Variants in PCDH15 observed in about 807,000 individuals in gnomAD.
PCDH15 encodes the protein protocadherin related 15.
Under a neutral mutation model 178.5 loss-of-function variants are expected in PCDH15, and 129 were observed. That is an observed-to-expected ratio of 0.72 (90% confidence interval 0.63 to 0.84). PCDH15 has a LOEUF of 0.84. PCDH15 is among the 40% of genes least tolerant of loss of function. PCDH15 has a pLI of 0.00. For synonymous variants in PCDH15, 800 were observed against 732.0 expected (o/e 1.09, Z -1.50); for missense variants, 2,230 against 2,099.9 (o/e 1.06, Z -1.21).
chr10:55,360,022 T>C (rs887211886), intron 2 of PCDH15, among the ~76,000 whole-genome samples: 1 of 151,772 alleles, frequency 6.6e-6, no homozygotes, highest in Non-Finnish European at 1.5e-5. Context: ...GGTTAAAGGT[T>C]ACAAAAATTT....
chr10:55,390,978 C>T (rs1037247736), intron 2 of PCDH15, among the ~76,000 whole-genome samples: 2 of 152,180 alleles, frequency 1.3e-5, no homozygotes, highest in African/African-American at 4.8e-5. Context: ...GCATTGGTTT[C>T]AACTTAGTTA....
At chr10:55,243,803 T>C (rs536939476) in intron 1 of PCDH15, among the ~76,000 whole-genome samples, 9 of 152,240 alleles carry the variant, frequency 5.9e-5, no homozygotes, top group Admixed American at 1.3e-4. Flanking sequence ...TCACTGAACA[T>C]TGGGCATGAA....
intron 2 of PCDH15, among the ~76,000 whole-genome samples, chr10:55,408,191 CTTTT>C (rs71014483): frequency 7.0e-6 from 1 of 142,834 alleles, no homozygotes; most frequent in African/African-American, 2.6e-5. Context: ...ATTCTTTTTT[CTTTT>C]TTTTTTTTTG....
intron 1 of PCDH15, among the ~76,000 whole-genome samples, chr10:54,705,112 C>A (rs1485077481): frequency 6.6e-6 from 1 of 152,014 alleles, no homozygotes; most frequent in Non-Finnish European, 1.5e-5. Flanking sequence ...TAAGTAGGAG[C>A]TAAACTTTGA....
In PCDH15 at chr10:54,917,379, A is replaced by C. The variant is rs141872890; in HGVS notation, c.-79-19879T>G. ...AACAAACAGGCAAACATTTCTGCTA[A>C]GAACAGAATAGTGAGGACATCCTGT... On this transcript the variant is annotated intron_variant, in intron 2 of 5. Coordinates refer to the PCDH15 transcript ENST00000458638. 1.2e-3 allele frequency among the ~76,000 whole-genome samples: 180 copies of C among 152,330 alleles called. 2 individuals are homozygous for C. The East Asian group carries it at 0.028, about 24-fold the overall frequency.
At chr10:54,618,055 G>A (rs1456280336) in intron 2 of PCDH15, among the ~76,000 whole-genome samples, 2 of 151,992 alleles carry the variant, frequency 1.3e-5, no homozygotes, top group African/African-American at 4.8e-5. Flanking sequence ...TAGAAGCCTG[G>A]GGAATTCTTC....
At chr10:53,982,398 T>C (rs1211779121) in intron 21 of PCDH15, among the ~76,000 whole-genome samples, 13 of 151,984 alleles carry the variant, frequency 8.6e-5, no homozygotes, top group Admixed American at 8.5e-4. Context: ...CTATTCACAA[T>C]AGCAAAGACT....
chr10:53,899,802 A>G (rs1189808504), intron 26 of PCDH15, among the ~76,000 whole-genome samples: 1 of 152,180 alleles, frequency 6.6e-6, no homozygotes, highest in African/African-American at 2.4e-5. Context: ...TGCTTAACTC[A>G]TGCTCTGATT....
chr10:54,673,097 G>A (rs1016652562), intron 1 of PCDH15, among the ~76,000 whole-genome samples: 1 of 151,856 alleles, frequency 6.6e-6, no homozygotes, highest in Non-Finnish European at 1.5e-5. Flanking sequence ...TTAAATTAAA[G>A]TTCTGGGATA....
At chr10:54,550,643 C>T (rs1324742777) in intron 2 of PCDH15, among the ~76,000 whole-genome samples, 1 of 152,100 alleles carries the variant, frequency 6.6e-6, no homozygotes, top group Non-Finnish European at 1.5e-5. Flanking sequence ...TTGCTTTCTA[C>T]ATCAATTTTC....
intron 2 of PCDH15, among the ~76,000 whole-genome samples, chr10:55,438,470 A>G (rs1839100917): frequency 6.6e-6 from 1 of 152,154 alleles, no homozygotes; most frequent in Admixed American, 6.5e-5. Flanking sequence ...ATTAGTCTGA[A>G]GTATAATGGC....
At chr10:55,444,852 T>C (rs1313560845) in intron 2 of PCDH15, among the ~76,000 whole-genome samples, 1 of 152,158 alleles carries the variant, frequency 6.6e-6, no homozygotes, top group Admixed American at 6.6e-5. Flanking sequence ...ATATATTTGC[T>C]AGCACTGAAA....
intron 1 of PCDH15, among the ~76,000 whole-genome samples, chr10:54,797,761 T>C (rs572277706): frequency 6.6e-6 from 1 of 152,148 alleles, no homozygotes; most frequent in Admixed American, 6.6e-5. Context: ...GATGTTTCTA[T>C]GCTCCTTATA....
chr10:55,605,018 A>G (rs1843181271), intron 2 of PCDH15, among the ~76,000 whole-genome samples: 1 of 152,196 alleles, frequency 6.6e-6, no homozygotes, highest in South Asian at 2.1e-4. Context: ...TAAAGAAAAC[A>G]AGAGAGAAGA....
intron 2 of PCDH15, among the ~76,000 whole-genome samples, chr10:55,380,321 A>G (rs1837503556): frequency 6.6e-6 from 1 of 152,194 alleles, no homozygotes; most frequent in South Asian, 2.1e-4. Flanking sequence ...TGAAGAATTT[A>G]AGAACTCTCT....
chr10:54,926,648 C>T (rs1389302141), intron 2 of PCDH15, among the ~76,000 whole-genome samples: 1 of 151,764 alleles, frequency 6.6e-6, no homozygotes, highest in East Asian at 1.9e-4. Context: ...GTGGTCTGTT[C>T]AGGGATTAAA....
At chr10:55,466,987 G>C (rs894331509) in intron 2 of PCDH15, among the ~76,000 whole-genome samples, 2 of 152,090 alleles carry the variant, frequency 1.3e-5, no homozygotes, top group African/African-American at 2.4e-5. Context: ...AGCCTTTCAG[G>C]CTGCTCTATC....
chr10:54,149,426 C>A (rs2044295731), intron 14 of PCDH15, among the ~76,000 whole-genome samples: 1 of 151,986 alleles, frequency 6.6e-6, no homozygotes, highest in Admixed American at 6.6e-5. Flanking sequence ...ATTGAGAAAT[C>A]TGAGAAAAGA....
chr10:54,151,217 T>C (rs1360981416), intron 14 of PCDH15, among the ~76,000 whole-genome samples: 4 of 152,190 alleles, frequency 2.6e-5, no homozygotes, highest in South Asian at 4.1e-4. Flanking sequence ...AGCATTTTTA[T>C]TGGAAGTATA....
Sources: gnomAD v4.1 joint callset for allele counts (sites outside exome capture counted in the v4.1 genomes callset) on GRCh38, gnomAD v4.1.1 for gene constraint, MANE v1.5 for transcripts, NCBI Gene and HGNC (gene_info 2026-07-23, HGNC 2026-07-21) for gene names.